Variants in LIPA observed in about 807,000 individuals in gnomAD.
The protein encoded by LIPA is lysosomal acid lipase/cholesteryl ester hydrolase.
Under a neutral mutation model 40.6 loss-of-function variants are expected in LIPA, and 26 were observed. That is an observed-to-expected ratio of 0.64 (90% CI 0.47 to 0.89). The LOEUF (loss-of-function observed/expected upper bound fraction) is 0.89. Ranked by LOEUF, LIPA falls within the 40% of genes least tolerant of loss-of-function variation. The pLI is 0.00. For synonymous variants in LIPA, 188 were observed against 168.4 expected, an observed-to-expected ratio of 1.12 and a Z score of -0.90; for missense variants, 455 against 479.6, an observed-to-expected ratio of 0.95 and a Z score of 0.48.
intron 1 of LIPA, chr10:89,307,306 T>C: frequency 1.2e-6 from 2 of 1,613,944 alleles, no homozygotes; most frequent in Non-Finnish European, 1.7e-6. Flanking sequence ...AACAAGCAGA[T>C]GAAGACTCTG....
intron 2 of LIPA, chr10:89,403,228 T>C: frequency 1.9e-6 from 3 of 1,614,150 alleles, no homozygotes; most frequent in African/African-American, 2.7e-5. Flanking sequence ...AGAGAAAAGC[T>C]AGACAAAATG....
chr10:89,405,030 T>C (rs1844507923), intron 2 of LIPA: 1 of 152,206 alleles, frequency 6.6e-6, no homozygotes, highest in African/African-American at 2.4e-5. Flanking sequence ...ATAAATAGCT[T>C]TCAGTGCAAG....
chr10:89,377,384 T>C (rs1844129461), intron 2 of LIPA, among the ~76,000 whole-genome samples: 1 of 152,194 alleles, frequency 6.6e-6, no homozygotes, highest in South Asian at 2.1e-4. Context: ...AGCTCAAACA[T>C]TGTTGTTTGA....
intron 3 of LIPA, among the ~76,000 whole-genome samples, chr10:89,231,772 A>G (rs1842845574): frequency 6.6e-6 from 1 of 152,202 alleles, no homozygotes; most frequent in South Asian, 2.1e-4. Flanking sequence ...AACATCATGT[A>G]TGGCTGGTGT....
In LIPA at chr10:89,306,495, T is replaced by C. The variant is rs539260313; in HGVS notation, c.-2+36116A>G. On this transcript the variant is annotated intron_variant, in intron 1 of 5. Transcript: ENST00000282673. Reference sequence around the variant, plus strand: ...CCAGAATTCACCTCTGGACTGGCAATAGCAAGCTACCGTCTGGACAACTGG... The same window carrying C: ...CCAGAATTCACCTCTGGACTGGCAACAGCAAGCTACCGTCTGGACAACTGG... The C allele has an allele frequency of 9.3e-6, 15 of 1,614,056 alleles. No individual in the cohort carries two copies. The East Asian group carries it at 1.6e-4, about 17-fold the overall frequency.
upstream of LIPA, among the ~76,000 whole-genome samples, chr10:89,346,337 C>T (rs894908623): frequency 1.3e-5 from 2 of 152,136 alleles, no homozygotes; most frequent in African/African-American, 4.8e-5. Flanking sequence ...AACTAATCTA[C>T]AAGTCTTGTT....
intron 2 of LIPA, among the ~76,000 whole-genome samples, chr10:89,359,189 C>A (rs140263359): frequency 6.4e-4 from 98 of 152,134 alleles, no homozygotes; most frequent in African/African-American, 2.2e-3. Flanking sequence ...GGCCTCAGTC[C>A]AACTTAATCT....
At chr10:89,322,854 C>A (rs920837638) in intron 1 of LIPA, among the ~76,000 whole-genome samples, 3 of 152,166 alleles carry the variant, frequency 2.0e-5, no homozygotes, top group African/African-American at 7.2e-5. Context: ...CAGGAAGCAC[C>A]TGGAGGGCAA....
intron 1 of LIPA, among the ~76,000 whole-genome samples, chr10:89,248,319 G>A (rs1462641125): frequency 6.6e-5 from 10 of 151,052 alleles, no homozygotes. Context: ...AGGCCACCAT[G>A]CCCGGCTAAT....
At chr10:89,243,150 A>T (rs575636877) in intron 3 of LIPA, among the ~76,000 whole-genome samples, 6 of 152,288 alleles carry the variant, frequency 3.9e-5, no homozygotes, top group Non-Finnish European at 8.8e-5. Context: ...CATTCTTTTT[A>T]TCTATTTGCC....
In LIPA at chr10:89,389,449, G is replaced by C. The variant is rs182572999; in HGVS notation, c.61+23342C>G. ...TGAGGAGACAGAGAAGCCCAAGGAA[G>C]TAGTACCACCTAGGGGCTGAATTTG... On this transcript the variant is annotated intron_variant, in intron 2 of 8. Coordinates refer to the LIPA transcript ENST00000371837. Among the ~76,000 whole-genome samples, 537 of 152,308 alleles carry C rather than the reference G, an allele frequency of 3.5e-3. 8 individuals carry two copies. The highest frequency in any genetic ancestry group is 0.021 in the South Asian group (102 of 4,828).
In LIPA at chr10:89,223,762, G is replaced by A. The variant is rs761924047; in HGVS notation, c.744C>T (p.Cys248=). 1.4e-5 allele frequency: 22 copies of A among 1,613,442 alleles called. No homozygotes were observed. In the South Asian group the frequency reaches 2.1e-4, roughly 15 times the overall value. Residue 248 remains cysteine, a synonymous_variant, in exon 7 of 10, where the codon TGC becomes TGT. Transcript: ENST00000336233. ...AFLKWLGTHV[C]THVILKELCG... ...AGAGCTCCTTCAGTATGACATGAGT[G>A]CAAACGTGGGTACCCAGCCACTTCA...
chr10:89,402,858 A>G lies in LIPA; in HGVS notation c.61+9933T>C. On this transcript the variant is annotated intron_variant, in intron 2 of 8. Coordinates refer to the LIPA transcript ENST00000371837. ...TCGCCTGGATGGCTTTAAATTAGCC[A>G]CAAAAAATCACAAGCCATTTTCTTT... The G allele has an allele frequency of 1.9e-6, 3 of 1,614,184 alleles. 1 individual carries two copies. Among genetic ancestry groups the G allele is most frequent in the South Asian group, 1.1e-5 (1 of 91,084 alleles).
intron 3 of LIPA, among the ~76,000 whole-genome samples, chr10:89,241,020 C>T (rs569847397): frequency 6.6e-5 from 10 of 152,110 alleles, no homozygotes; most frequent in South Asian, 4.2e-4. Context: ...GTCTTAATTG[C>T]GATGGAGAAA....
Position 89,214,562 on chromosome 10 carries a change from C to T in LIPA, c.*266G>A, listed in dbSNP as rs1442451280. The T allele has an allele frequency of 1.1e-5, 4 of 368,808 alleles. No individual in the cohort carries two copies. Among genetic ancestry groups the T allele is most frequent in the Non-Finnish European group, 2.0e-5 (4 of 201,034 alleles). The allele number at this position is 368,808 out of a possible 1,614,324, so 22.8% of individuals were successfully genotyped here. On this transcript the variant is annotated 3_prime_UTR_variant, in exon 10 of 10. Coordinates refer to ENST00000336233, the MANE Select transcript of LIPA (RefSeq NM_000235.4). ...CAGAATGGATATAATGACCTTTTTA[C>T]ACATCAGTGATATTTAAAAGACTTA...
intron 1 of LIPA, among the ~76,000 whole-genome samples, chr10:89,260,997 A>G (rs188253660): frequency 6.6e-6 from 1 of 152,318 alleles, no homozygotes; most frequent in Non-Finnish European, 1.5e-5. Flanking sequence ...ACATTCCAGC[A>G]CCAGAAGAAT....
In LIPA at chr10:89,250,107, C is replaced by CTTTTTTTTTTTTT. The variant is rs398038546; in HGVS notation, c.-2+1629_-2+1630insAAAAAAAAAAAAA. Among the ~76,000 whole-genome samples the CTTTTTTTTTTTTT allele has an allele frequency of 9.6e-4, 92 of 96,054 alleles. 4 individuals carry two copies. The highest frequency in any genetic ancestry group is 3.6e-3 in the African/African-American group (79 of 21,956). The allele number at this position is 96,054 out of a possible 152,430, so 63.0% of individuals were successfully genotyped here. The stretch of plus-strand genomic sequence containing the variant: ...TTTTTCTTTTTCTTTTCTTTTCTTT[C>CTTTTTTTTTTTTT]TTTTTTTTTTTTGAGACAGTCTTGC... On this transcript the variant is annotated intron_variant, in intron 1 of 9. Transcript: ENST00000336233.
intron 1 of LIPA, chr10:89,306,263 G>C (rs1160304164): frequency 1.2e-6 from 2 of 1,614,116 alleles, no homozygotes; most frequent in Admixed American, 1.7e-5. Context: ...CTATGCCTGG[G>C]TCTACTATCA....
chr10:89,349,294 T>C (rs976890643), intron 2 of LIPA, among the ~76,000 whole-genome samples: 1 of 151,996 alleles, frequency 6.6e-6, no homozygotes, highest in African/African-American at 2.4e-5. Flanking sequence ...AACAATTTAC[T>C]CCCCCTAAGT....
Sources: gnomAD v4.1 joint callset for allele counts (sites outside exome capture counted in the v4.1 genomes callset) on GRCh38, gnomAD v4.1.1 for gene constraint, MANE v1.5 for transcripts, NCBI Gene and HGNC (gene_info 2026-07-23, HGNC 2026-07-21) for gene names.